Variants in MYOZ2 observed in about 807,000 individuals in gnomAD.
MYOZ2 encodes myozenin 2.
MYOZ2 carries 19 observed loss-of-function variants against 25.4 expected under a neutral mutation model. The ratio of observed to expected loss-of-function variants is 0.75; its 90% CI spans 0.52 to 1.10. MYOZ2 has a LOEUF of 1.10. Ranked by LOEUF, MYOZ2 falls within the 50% of genes least tolerant of loss-of-function variation. The probability of loss-of-function intolerance (pLI) is 0.00; values close to 1 mark genes in which losing one functional copy is unlikely to be tolerated. For missense variants in MYOZ2, 270 were observed against 317.9 expected (o/e 0.85, Z 1.15); for synonymous variants, 92 against 106.9 (o/e 0.86, Z 0.86).
At chr4:119,139,882 G>GT (rs1741124967) in intron 2 of MYOZ2, among the ~76,000 whole-genome samples, 1 of 151,986 alleles carries the variant, frequency 6.6e-6, no homozygotes, top group South Asian at 2.1e-4. Context: ...TTGTTTGTTT[G>GT]TTTTTTTCTC....
At chr4:119,153,546 A>G (rs1000246297) in intron 3 of MYOZ2, among the ~76,000 whole-genome samples, 2 of 152,014 alleles carry the variant, frequency 1.3e-5, no homozygotes, top group African/African-American at 2.4e-5. Flanking sequence ...TATTGACTAC[A>G]TTTTCTGGAA....
chr4:119,156,365 T>C (rs993409954), intron 3 of MYOZ2, among the ~76,000 whole-genome samples: 7 of 150,452 alleles, frequency 4.7e-5, no homozygotes, highest in Non-Finnish European at 7.4e-5. Context: ...AGTGGTTTGG[T>C]TTTAAGCTTA....
At chr4:119,158,276 T>C in intron 4 of MYOZ2, 125 bp downstream of exon 4, 1 of 1,342,534 alleles carries the variant, frequency 7.4e-7, no homozygotes, top group East Asian at 2.6e-5. Flanking sequence ...AGTATGTTTT[T>C]GGGCCCCAGG....
Position 119,187,134 on chromosome 4 carries a change from A to T in MYOZ2, c.*934A>T, listed in dbSNP as rs1578374819. The T allele has an allele frequency of 6.6e-6, 1 of 152,346 alleles. No individual in the cohort carries two copies. The highest frequency in any genetic ancestry group is 1.9e-4 in the East Asian group (1 of 5,194). The allele number at this position is 152,346 out of a possible 1,614,324, so 9.4% of individuals were successfully genotyped here. ...GAGTACATGCTTTAGGACACAAACAAAAACAAAGGGCATGAAAGTATCTGA... is the reference window on the plus strand; with the variant it reads ...GAGTACATGCTTTAGGACACAAACATAAACAAAGGGCATGAAAGTATCTGA... On this transcript the variant is annotated 3_prime_UTR_variant, in exon 6 of 6. Transcript: ENST00000307128.
chr4:119,156,743 T>C (rs996852492), intron 3 of MYOZ2, among the ~76,000 whole-genome samples: 6 of 152,204 alleles, frequency 3.9e-5, no homozygotes, highest in Non-Finnish European at 7.3e-5. Flanking sequence ...TATTTTATCA[T>C]TGTCATTTTC....
In MYOZ2 at chr4:119,186,137, T is replaced by C. The variant is rs1216524376; in HGVS notation, c.732T>C (p.Ile244=). 1 of 1,613,888 alleles carries C rather than the reference T, an allele frequency of 6.2e-7. No individual in the cohort carries two copies. Among genetic ancestry groups the C allele is most frequent in the South Asian group, 1.1e-5 (1 of 91,080 alleles). The change falls in exon 6 of 6, where the codon ATT becomes ATC. Residue 244 remains isoleucine, a synonymous_variant. Transcript: ENST00000307128. The part of the protein sequence containing the change: ...RTPKGWISEN[I]PIVITTEPTD... ...CTAAGGGATGGATATCTGAGAATAT[T>C]CCTATAGTGATAACAACCGAACCTA...
intron 5 of MYOZ2, among the ~76,000 whole-genome samples, chr4:119,178,690 T>C (rs1337531241): frequency 1.3e-5 from 2 of 152,190 alleles, no homozygotes; most frequent in African/African-American, 4.8e-5. Context: ...CACTGCAATC[T>C]CTGCCTCCTG....
At chr4:119,145,674 C>T in intron 2 of MYOZ2, among the ~76,000 whole-genome samples, 1 of 152,054 alleles carries the variant, frequency 6.6e-6, no homozygotes, top group Admixed American at 6.6e-5. Context: ...CCCACCTGGC[C>T]TGTCTGTGTG....
At chr4:119,152,061 G>C (rs1178384180) in intron 3 of MYOZ2, among the ~76,000 whole-genome samples, 1 of 151,820 alleles carries the variant, frequency 6.6e-6, no homozygotes, top group African/African-American at 2.4e-5. Flanking sequence ...TATGTTTTTT[G>C]TTAACAGAAA....
chr4:119,159,439 T>C (rs1741657265), intron 4 of MYOZ2, among the ~76,000 whole-genome samples: 1 of 152,172 alleles, frequency 6.6e-6, no homozygotes, highest in African/African-American at 2.4e-5. Flanking sequence ...TAAAAGAGAA[T>C]CAACTCCTTA....
At chr4:119,160,285 C>CCA (rs1247913508) in intron 4 of MYOZ2, among the ~76,000 whole-genome samples, 2 of 151,614 alleles carry the variant, frequency 1.3e-5, no homozygotes, top group African/African-American at 4.8e-5. Flanking sequence ...TGAGCTCCAA[C>CCA]CACTGTACTA....
intron 3 of MYOZ2, among the ~76,000 whole-genome samples, chr4:119,155,873 A>G (rs1443574118): frequency 6.6e-6 from 1 of 152,158 alleles, no homozygotes; most frequent in Non-Finnish European, 1.5e-5. Context: ...GACTAAAGTG[A>G]AAAAGGAAGA....
intron 3 of MYOZ2, among the ~76,000 whole-genome samples, chr4:119,156,140 A>C (rs1330475039): frequency 1.3e-5 from 2 of 152,008 alleles, no homozygotes; most frequent in Admixed American, 6.6e-5. Flanking sequence ...AAGACAAAAA[A>C]CTTTTTATTG....
In MYOZ2 at chr4:119,173,247, G is replaced by A. The variant is rs184855535; in HGVS notation, c.560+8853G>A. On this transcript the variant is annotated intron_variant, in intron 5 of 5. Transcript: ENST00000307128. The stretch of plus-strand genomic sequence containing the variant: ...ATGAAACAGGCTTATTCTTCACTAC[G>A]TAGAGGATGAAATAGAAAAATCATT... Among the ~76,000 whole-genome samples, 59 of 152,256 alleles carry A rather than the reference G, an allele frequency of 3.9e-4. 1 individual carries two copies. The highest frequency in any genetic ancestry group is 3.7e-4 in the Non-Finnish European group (25 of 68,014).
chr4:119,154,882 CACACACACAA>C (rs1351616105), intron 3 of MYOZ2, among the ~76,000 whole-genome samples: 1 of 151,734 alleles, frequency 6.6e-6, no homozygotes, highest in East Asian at 1.9e-4. Context: ...CACACACACA[CACACACACAA>C]TGCCTTTCTT....
At chr4:119,182,558 G>C (rs966692747) in intron 5 of MYOZ2, among the ~76,000 whole-genome samples, 2 of 152,116 alleles carry the variant, frequency 1.3e-5, no homozygotes, top group Non-Finnish European at 2.9e-5. Flanking sequence ...GTGGCAGGGT[G>C]GGGGGAGATG....
chr4:119,147,757 A>AAAAAAAT (rs1741337684), intron 2 of MYOZ2, among the ~76,000 whole-genome samples: 1 of 123,852 alleles, frequency 8.1e-6, no homozygotes, highest in Non-Finnish European at 1.9e-5. Context: ...AAAAAAAAAA[A>AAAAAAAT]TCTACTTTGA....
At chr4:119,140,694 T>C (rs1741143242) in intron 2 of MYOZ2, among the ~76,000 whole-genome samples, 1 of 152,214 alleles carries the variant, frequency 6.6e-6, no homozygotes, top group African/African-American at 2.4e-5. Flanking sequence ...ATCCTAACTT[T>C]CTTTGAAGGC....
At chr4:119,146,300 T>C (rs1003993438) in intron 2 of MYOZ2, among the ~76,000 whole-genome samples, 6 of 152,086 alleles carry the variant, frequency 3.9e-5, no homozygotes, top group African/African-American at 1.4e-4. Context: ...TTTTTTTAGA[T>C]TTTTTGGGGT....
Sources: gnomAD v4.1 joint callset for allele counts (sites outside exome capture counted in the v4.1 genomes callset) on GRCh38, gnomAD v4.1.1 for gene constraint, MANE v1.5 for transcripts, NCBI Gene and HGNC (gene_info 2026-07-23, HGNC 2026-07-21) for gene names.